Variants in IPO7 observed in about 807,000 individuals in gnomAD.
IPO7 encodes the protein importin 7.
IPO7 carries 13 observed loss-of-function variants against 136.4 expected under a neutral mutation model. The ratio of observed to expected loss-of-function variants is 0.10; its 90% CI spans 0.06 to 0.15. IPO7 has a LOEUF of 0.15. Among genes scored for constraint, IPO7 ranks in the 10% least tolerant of loss-of-function variants. IPO7 has a pLI of 1.00. For synonymous variants in IPO7, 403 were observed against 404.4 expected, an observed-to-expected ratio of 1.00 and a Z score of 0.04; for missense variants, 857 against 1,240.6, an observed-to-expected ratio of 0.69 and a Z score of 4.65.
At chr11:9,415,288 C>G (rs1340601178) in intron 5 of IPO7, among the ~76,000 whole-genome samples, 1 of 151,614 alleles carries the variant, frequency 6.6e-6, no homozygotes, top group East Asian at 2.0e-4. Context: ...CACCATTGCA[C>G]TCCAGCCTGG....
chr11:9,437,548 C>A (rs1256112868), intron 20 of IPO7, among the ~76,000 whole-genome samples: 1 of 152,220 alleles, frequency 6.6e-6, no homozygotes, highest in Admixed American at 6.5e-5. Flanking sequence ...GCCACCACTC[C>A]CGGCCCGTCG....
At chr11:9,391,352 C>G (rs1854630698) in intron 1 of IPO7, among the ~76,000 whole-genome samples, 1 of 151,730 alleles carries the variant, frequency 6.6e-6, no homozygotes. Flanking sequence ...GAGCCAAGAT[C>G]ACGTCATTGC....
At chr11:9,401,515 C>T (rs1367442173) in intron 1 of IPO7, among the ~76,000 whole-genome samples, 6 of 147,082 alleles carry the variant, frequency 4.1e-5, no homozygotes, top group Admixed American at 2.1e-4. Context: ...GGCAACATAG[C>T]GAGACCTGAT....
intron 24 of IPO7, among the ~76,000 whole-genome samples, chr11:9,444,357 A>C (rs1227032378): frequency 6.6e-6 from 1 of 151,062 alleles, no homozygotes; most frequent in Non-Finnish European, 1.5e-5. Context: ...ACTTTTTTTT[A>C]TAAATTAAAA....
At chr11:9,420,344 ATTCTC>A in intron 6 of IPO7, 62 bp from the exon 7 acceptor site, 1 of 1,041,250 alleles carries the variant, frequency 9.6e-7, no homozygotes, top group Non-Finnish European at 1.5e-6. Flanking sequence ...TTGTCAATCT[ATTCTC>A]ATCTCATGCT....
chr11:9,392,124 A>G (rs1419297893), intron 1 of IPO7: 4 of 356,980 alleles, frequency 1.1e-5, no homozygotes, highest in Non-Finnish European at 2.1e-5. Context: ...ACTATGCCTT[A>G]TATTTCATGT....
At chr11:9,390,035 C>T (rs1054643185) in intron 1 of IPO7, among the ~76,000 whole-genome samples, 5 of 152,082 alleles carry the variant, frequency 3.3e-5, no homozygotes, top group Non-Finnish European at 7.4e-5. Context: ...GGATTACAGG[C>T]GTGAGCCACT....
At chr11:9,413,184 A>G (rs1353044808) in intron 4 of IPO7, among the ~76,000 whole-genome samples, 1 of 151,820 alleles carries the variant, frequency 6.6e-6, no homozygotes, top group African/African-American at 2.4e-5. Context: ...GGCCCCCAAC[A>G]GACTTTTTAA....
intron 20 of IPO7, 132 bp downstream of exon 20, chr11:9,436,498 T>A: frequency 3.5e-6 from 2 of 571,778 alleles, no homozygotes; most frequent in Non-Finnish European, 6.2e-6. Flanking sequence ...AACTAATATT[T>A]TTAGTTCAAA....
chr11:9,438,045 GTTTTTTTTTTTTTTTTT>G lies in IPO7; in HGVS notation c.2490-19_2490-3del, dbSNP rs202038310. On this transcript the variant is annotated intron_variant, in intron 21 of 24. Coordinates refer to ENST00000379719, the MANE Select transcript of IPO7 (RefSeq NM_006391.3). ...TCTGCTTATTTAAGAAAAGAAAACAGTTTTTTTTTTTTTTTTTTTTTTTTTTTTTTTTAGGCTTCATG... is the reference window on the plus strand; with the variant it reads ...TCTGCTTATTTAAGAAAAGAAAACAGTTTTTTTTTTTTTTTAGGCTTCATG... 1,623 of 1,090,746 alleles carry G rather than the reference GTTTTTTTTTTTTTTTTT, an allele frequency of 1.5e-3. No homozygotes were observed. Among genetic ancestry groups the G allele is most frequent in the Non-Finnish European group, 1.6e-3 (1,333 of 832,284 alleles). 67.6% of individuals were successfully genotyped at this position (1,090,746 alleles called of 1,614,324 possible).
intron 1 of IPO7, among the ~76,000 whole-genome samples, chr11:9,391,484 G>T (rs1854632410): frequency 6.6e-6 from 1 of 152,094 alleles, no homozygotes; most frequent in African/African-American, 2.4e-5. Flanking sequence ...GAGGTGGGTG[G>T]ATCATGAGGT....
At chr11:9,392,123 T>C (rs1854641650) in intron 1 of IPO7, 1 of 363,198 alleles carries the variant, frequency 2.8e-6, no homozygotes, top group Non-Finnish European at 5.3e-6. Flanking sequence ...CACTATGCCT[T>C]ATATTTCATG....
rs978472128 is a variant in IPO7 at position 9,446,071 on chromosome 11, A to G, written c.*877A>G. ...TTTTTCTTAAAGCTGTCAGTGTACA[A>G]GTGGGTATTTGAATACCAGACCTTA... On this transcript the variant is annotated 3_prime_UTR_variant, in exon 25 of 25. Coordinates refer to ENST00000379719, the MANE Select transcript of IPO7 (RefSeq NM_006391.3). 8.5e-5 allele frequency: 13 copies of G among 152,182 alleles called. No individual in the cohort carries two copies. Among genetic ancestry groups the G allele is most frequent in the African/African-American group, 3.1e-4 (13 of 41,446 alleles). The allele number at this position is 152,182 out of a possible 1,614,324, so 9.4% of individuals were successfully genotyped here.
At chr11:9,444,752 G>A (rs1252161984) in intron 24 of IPO7, among the ~76,000 whole-genome samples, 3 of 150,336 alleles carry the variant, frequency 2.0e-5, no homozygotes, top group Admixed American at 6.7e-5. Flanking sequence ...GGAGAGAATC[G>A]CTTGCACCTG....
intron 1 of IPO7, among the ~76,000 whole-genome samples, chr11:9,399,571 G>A (rs1267883953): frequency 6.6e-6 from 1 of 152,178 alleles, no homozygotes; most frequent in East Asian, 1.9e-4. Context: ...ATGAGAGGTT[G>A]GGAGAAATGG....
At chr11:9,424,805 A>G (rs1047377838) in intron 10 of IPO7, 109 bp from the exon 11 acceptor site, 1 of 731,122 alleles carries the variant, frequency 1.4e-6, no homozygotes, top group Non-Finnish European at 2.3e-6. Context: ...GCAAAATTAT[A>G]AAGGGATCTG....
At chr11:9,420,330 A>G (rs551724437) in intron 6 of IPO7, 81 bp from the exon 7 acceptor site, 7 of 897,866 alleles carry the variant, frequency 7.8e-6, no homozygotes, top group African/African-American at 3.4e-5. Flanking sequence ...AAGCATTCAC[A>G]TTTTTGTCAA....
chr11:9,385,264 G>A (rs977720933), intron 1 of IPO7, among the ~76,000 whole-genome samples: 1 of 152,210 alleles, frequency 6.6e-6, no homozygotes, highest in African/African-American at 2.4e-5. Flanking sequence ...GGGTTTGGAA[G>A]GGCTCCTGGG....
chr11:9,409,330 AAC>A (rs1854935916), intron 3 of IPO7, among the ~76,000 whole-genome samples: 2 of 152,050 alleles, frequency 1.3e-5, no homozygotes, highest in Non-Finnish European at 2.9e-5. Flanking sequence ...GCTGGTCTGG[AAC>A]ACCTGACCTC....
Sources: gnomAD v4.1 joint callset for allele counts (sites outside exome capture counted in the v4.1 genomes callset) on GRCh38, gnomAD v4.1.1 for gene constraint, MANE v1.5 for transcripts, NCBI Gene and HGNC (gene_info 2026-07-23, HGNC 2026-07-21) for gene names.